SH3KBP1: variants seen among roughly 807,000 people sequenced by gnomAD.
SH3KBP1 encodes the protein SH3 domain containing kinase binding protein 1, also known as SH3 domain-containing kinase-binding protein 1.
A neutral mutation model predicts 50.1 loss-of-function variants in SH3KBP1; 8 were observed. The ratio of observed to expected loss-of-function variants is 0.16; its 90% CI spans 0.09 to 0.29. The LOEUF is 0.29. Ranked by LOEUF, SH3KBP1 falls within the 10% of genes least tolerant of loss-of-function variation. SH3KBP1 has a pLI of 1.00. For synonymous variants in SH3KBP1, 227 were observed against 218.6 expected (o/e 1.04, Z -0.34); for missense variants, 377 against 535.2 (o/e 0.70, Z 2.92).
At chrX:19,795,787 G>T (rs1012361932) in intron 2 of SH3KBP1, among the ~76,000 whole-genome samples, 2 of 111,781 alleles carry the variant, frequency 1.8e-5, no homozygotes, top group African/African-American at 3.3e-5. Flanking sequence ...TTAAATCAAT[G>T]GTGTGTGTTT....
intron 1 of SH3KBP1, among the ~76,000 whole-genome samples, chrX:19,884,393 A>G (rs2069532028): frequency 8.9e-6 from 1 of 112,614 alleles, no homozygotes; most frequent in Admixed American, 9.4e-5. Flanking sequence ...AAAAACAACT[A>G]CAAACTCAAG....
intron 3 of SH3KBP1, among the ~76,000 whole-genome samples, chrX:19,730,002 A>AT (rs111295092): frequency 3.9e-4 from 42 of 108,468 alleles, no homozygotes; most frequent in Middle Eastern, 4.8e-3. Flanking sequence ...TAACTGAGCG[A>AT]TTTTTTTTTT....
intron 2 of SH3KBP1, among the ~76,000 whole-genome samples, chrX:19,755,713 C>T (rs990086466): frequency 1.4e-4 from 16 of 112,281 alleles, no homozygotes; most frequent in African/African-American, 4.5e-4. Flanking sequence ...GGTAGCCTGG[C>T]GCCTAGGAAC....
chrX:19,871,524 C>G (rs1324145885), intron 1 of SH3KBP1, among the ~76,000 whole-genome samples: 1 of 112,520 alleles, frequency 8.9e-6, no homozygotes, highest in African/African-American at 3.2e-5. Context: ...AGAACTTTCA[C>G]TGAAACTTGC....
chrX:19,814,189 G>A lies in SH3KBP1; in HGVS notation c.162+21936C>T, dbSNP rs960669188. Among the ~76,000 whole-genome samples, 6 of 110,666 alleles carry A rather than the reference G, an allele frequency of 5.4e-5. No individual in the cohort carries two copies. The East Asian group carries it at 1.1e-3, about 21-fold the overall frequency. ...ACCCCCAGTCTTACCAGCAAATCCCGTTGGCTGTACTTACAGAAATATCCA... is the reference window on the plus strand; with the variant it reads ...ACCCCCAGTCTTACCAGCAAATCCCATTGGCTGTACTTACAGAAATATCCA... On this transcript the variant is annotated intron_variant, in intron 2 of 17. Coordinates refer to ENST00000397821, the MANE Select transcript of SH3KBP1 (RefSeq NM_031892.3).
At chrX:19,575,288 G>A (rs1451736872) in intron 12 of SH3KBP1, among the ~76,000 whole-genome samples, 2 of 112,178 alleles carry the variant, frequency 1.8e-5, no homozygotes, top group African/African-American at 3.2e-5. Flanking sequence ...GTTGGCCAAG[G>A]TAGCTGTCCC....
At position 19,670,839 on chromosome X, in the gene SH3KBP1, C is replaced by CAAAAAAAAA. The variant is rs397973698; in HGVS notation, c.726+12975_726+12983dup. 4,669 of 987,303 alleles carry CAAAAAAAAA rather than the reference C, an allele frequency of 4.7e-3. 59 individuals carry two copies. The highest frequency in any genetic ancestry group is 6.9e-3 in the African/African-American group (199 of 28,792). 81.4% of individuals were successfully genotyped at this position (987,303 alleles called of 1,213,427 possible). On this transcript the variant is annotated intron_variant, in intron 6 of 17. Transcript: ENST00000397821. Reference sequence around the variant, plus strand: ...ACTGGATTTATTACAACTCTAAAAGCAAAAAAAAAAAAAAAGAAATACCTC... The same window carrying CAAAAAAAAA: ...ACTGGATTTATTACAACTCTAAAAGCAAAAAAAAAAAAAAAAAAAAAAAAGAAATACCTC...
intron 9 of SH3KBP1, among the ~76,000 whole-genome samples, chrX:19,604,673 G>A (rs2067190443): frequency 9.0e-6 from 1 of 111,471 alleles, no homozygotes; most frequent in African/African-American, 3.3e-5. Context: ...CACACCCTCA[G>A]CGCAGCAAAT....
At chrX:19,749,744 T>C (rs1164250991) in intron 2 of SH3KBP1, among the ~76,000 whole-genome samples, 1 of 112,799 alleles carries the variant, frequency 8.9e-6, no homozygotes, top group Non-Finnish European at 1.9e-5. Flanking sequence ...ATAGTACGGA[T>C]AGTTGCACAA....
intron 1 of SH3KBP1, among the ~76,000 whole-genome samples, chrX:19,853,936 T>C (rs2068579977): frequency 9.5e-6 from 1 of 104,742 alleles, no homozygotes; most frequent in South Asian, 4.6e-4. Context: ...CACTCCAGCC[T>C]GGGCAAGAGA....
At chrX:19,776,498 A>T (rs7473332) in intron 2 of SH3KBP1, among the ~76,000 whole-genome samples, 206 of 105,064 alleles carry the variant, frequency 2.0e-3, no homozygotes, top group African/African-American at 6.6e-3. Context: ...AATTTTTTTT[A>T]AAAAAAGAAT....
At chrX:19,852,248 C>T (rs1224060811) in intron 1 of SH3KBP1, among the ~76,000 whole-genome samples, 1 of 111,293 alleles carries the variant, frequency 9.0e-6, no homozygotes, top group East Asian at 2.8e-4. Flanking sequence ...GCCTTCAGAT[C>T]GTTCCAGCCC....
chrX:19,731,186 G>A (rs1282893491), intron 3 of SH3KBP1, among the ~76,000 whole-genome samples: 2 of 112,060 alleles, frequency 1.8e-5, no homozygotes, highest in African/African-American at 3.2e-5. Context: ...TAATCCGCCC[G>A]CCTCGGCCTC....
At chrX:19,866,692 TAAA>T (rs11393561) in intron 1 of SH3KBP1, among the ~76,000 whole-genome samples, 1 of 95,333 alleles carries the variant, frequency 1.0e-5, no homozygotes, top group African/African-American at 4.0e-5. Context: ...CCTGTCTCTT[TAAA>T]AAAAAAAAAA....
chrX:19,608,034 G>A lies in SH3KBP1; in HGVS notation c.909C>T (p.Asp303=), dbSNP rs372715805. 32 of 1,207,154 alleles carry A rather than the reference G, an allele frequency of 2.7e-5. No homozygotes were observed. The highest frequency in any genetic ancestry group is 2.3e-4 in the Middle Eastern group (1 of 4,313). ...IVTLINKDCI[D]VGWWEGELNG... is the part of the protein sequence containing the mutation. The stretch of plus-strand genomic sequence containing the variant: ...TCAGCTCTCCTTCCCACCAGCCTAC[G>A]TCGATGCAGTCCTAGAAAACAGGAG... The change falls in exon 9 of 18, where the codon GAC becomes GAT. Residue 303 remains aspartate (D), a synonymous_variant. Transcript: ENST00000397821.
intron 3 of SH3KBP1, among the ~76,000 whole-genome samples, chrX:19,737,132 G>A (rs1054559940): frequency 9.0e-6 from 1 of 110,585 alleles, no homozygotes; most frequent in Admixed American, 9.6e-5. Context: ...GGCTGGTCTT[G>A]AACTCCTGGG....
chrX:19,861,047 A>G (rs1386300779), intron 1 of SH3KBP1, among the ~76,000 whole-genome samples: 8 of 111,669 alleles, frequency 7.2e-5, no homozygotes, highest in African/African-American at 2.3e-4. Context: ...CATCTTTTCC[A>G]TAAGTCTAAA....
intron 13 of SH3KBP1, among the ~76,000 whole-genome samples, chrX:19,566,795 A>C (rs1462518483): frequency 8.9e-6 from 1 of 111,840 alleles, no homozygotes; most frequent in African/African-American, 3.3e-5. Flanking sequence ...AGCTTGTGGA[A>C]ACAGGGGAAG....
chrX:19,560,919 A>G (rs867757760), intron 13 of SH3KBP1, among the ~76,000 whole-genome samples: 1 of 108,420 alleles, frequency 9.2e-6, no homozygotes, highest in Non-Finnish European at 1.9e-5. Context: ...TACAAAAAAT[A>G]AAAAATTAGC....
Sources: gnomAD v4.1 joint callset for allele counts (sites outside exome capture counted in the v4.1 genomes callset) on GRCh38, gnomAD v4.1.1 for gene constraint, MANE v1.5 for transcripts, NCBI Gene and HGNC (gene_info 2026-07-23, HGNC 2026-07-21) for gene names.